ABCC9: variants seen among roughly 807,000 people sequenced by gnomAD.
The protein encoded by ABCC9 is ATP binding cassette subfamily C member 9.
A neutral mutation model predicts 188.3 loss-of-function variants in ABCC9; 95 were observed. The ratio of observed to expected loss-of-function variants is 0.50; its 90% CI spans 0.43 to 0.60. ABCC9 has a LOEUF of 0.60. ABCC9 is among the 20% of genes least tolerant of loss of function. The pLI is 0.00. For missense variants in ABCC9, 1,102 were observed against 1,876.3 expected (o/e 0.59, Z 7.62); for synonymous variants, 659 against 652.7 (o/e 1.01, Z -0.15).
Position 21,799,268 on chromosome 12 carries a change from A to G in ABCC9, c.*1776T>C, listed in dbSNP as rs1280771438. On this transcript the variant is annotated 3_prime_UTR_variant, in exon 40 of 40. Transcript: ENST00000261200. ...ATATTAAAAAAAAAATTAAAAAAAA[A>G]AAAGAAAAAAAAAAGATTACTTCCA... 3 of 151,914 alleles carry G rather than the reference A, an allele frequency of 2.0e-5. No individual in the cohort carries two copies. The highest frequency in any genetic ancestry group is 6.5e-5 in the Admixed American group (1 of 15,272). 9.4% of individuals were successfully genotyped at this position (151,914 alleles called of 1,614,324 possible).
chr12:21,829,588 T>A (rs1348590508), intron 30 of ABCC9, among the ~76,000 whole-genome samples: 1 of 152,192 alleles, frequency 6.6e-6, no homozygotes, highest in East Asian at 1.9e-4. Flanking sequence ...GGTGTTTATT[T>A]CCTTTCTTAT....
chr12:21,832,233 G>C (rs1943803329), intron 30 of ABCC9, among the ~76,000 whole-genome samples: 1 of 152,160 alleles, frequency 6.6e-6, no homozygotes, highest in Non-Finnish European at 1.5e-5. Context: ...TGCTTTCGTG[G>C]TAAACTACTT....
At chr12:21,883,009 C>A in intron 15 of ABCC9, 136 bp from the exon 16 acceptor site, 1 of 697,464 alleles carries the variant, frequency 1.4e-6, no homozygotes. Flanking sequence ...TCAGTGACTC[C>A]TTCATAAAAA....
intron 12 of ABCC9, among the ~76,000 whole-genome samples, chr12:21,896,079 C>CTTTTTTTTTTTTTTTTTTTTCTTTTTTTT (rs5796933): frequency 2.3e-5 from 3 of 128,042 alleles, no homozygotes; most frequent in African/African-American, 5.9e-5. Flanking sequence ...ATCTAATTTT[C>CTTTTTTTTTTTTTTTTTTTTCTTTTTTTT]TTTTTTTTTT....
intron 30 of ABCC9, among the ~76,000 whole-genome samples, chr12:21,836,789 G>T (rs574560432): frequency 1.3e-5 from 2 of 152,256 alleles, no homozygotes; most frequent in South Asian, 4.1e-4. Flanking sequence ...AAAAGTGGGG[G>T]ATGAACTGAT....
rs201572736 is a variant in ABCC9 at position 21,842,319 on chromosome 12, G to A, written c.3468C>T (p.Ala1156=). 1 of 1,613,648 alleles carries A rather than the reference G, an allele frequency of 6.2e-7. No individual in the cohort carries two copies. The highest frequency in any genetic ancestry group is 8.5e-7 in the Non-Finnish European group (1 of 1,179,768). The change falls in exon 29 of 40, where the codon GCC becomes GCT. Residue 1156 remains alanine, a synonymous_variant. Coordinates refer to ENST00000261200, the MANE Select transcript of ABCC9 (RefSeq NM_020297.4). Reference sequence around the variant, plus strand: ...TGGGATGCTGTTTTACTTACTTAGAGGCAACCCGAAAGTATTTCTGGATAA... The same window carrying A: ...TGGGATGCTGTTTTACTTACTTAGAAGCAACCCGAAAGTATTTCTGGATAA... ...FYFIQKYFRV[A]SKDLQELDDS...
At chr12:21,886,096 A>C (rs979000996) in intron 15 of ABCC9, among the ~76,000 whole-genome samples, 2 of 152,180 alleles carry the variant, frequency 1.3e-5, no homozygotes, top group Non-Finnish European at 2.9e-5. Context: ...AATTTCTTCA[A>C]AATTTTTTAG....
In ABCC9 at chr12:21,815,896, G is replaced by T. The variant is rs762931725; in HGVS notation, c.3893-3C>A. 5 of 1,612,444 alleles carry T rather than the reference G, an allele frequency of 3.1e-6. No homozygotes were observed. Among genetic ancestry groups the T allele is most frequent in the Non-Finnish European group, 4.2e-6 (5 of 1,179,060 alleles). On this transcript the variant is annotated splice_region_variant and splice_polypyrimidine_tract_variant and intron_variant, in intron 33 of 39. Coordinates refer to ENST00000261200, the MANE Select transcript of ABCC9 (RefSeq NM_020297.4). Reference sequence around the variant, plus strand: ...ATGTTCTGGAACTTGAGAAGGATCTGGAGGATGGGATGGGGAAATAGACAG... The same window carrying T: ...ATGTTCTGGAACTTGAGAAGGATCTTGAGGATGGGATGGGGAAATAGACAG...
chr12:21,833,023 T>C (rs1032257435), intron 30 of ABCC9, among the ~76,000 whole-genome samples: 1 of 152,148 alleles, frequency 6.6e-6, no homozygotes, highest in African/African-American at 2.4e-5. Flanking sequence ...AACTCAAGAA[T>C]AGAAAACCAA....
chr12:21,936,541 A>G lies in ABCC9; in HGVS notation c.134T>C (p.Leu45Ser). Residue 45 changes from leucine to serine, a missense_variant, in exon 3 of 40, where the codon TTG (leucine) becomes TCG (serine). This residue lies in a region of ABCC9 where 305 missense variants were observed against 573.0 expected (regional missense o/e 0.53). Transcript: ENST00000261200. The part of the protein sequence containing the change: ...VFLLFITFPI[L>S]FIGWGSQSSK... Reference sequence around the variant, plus strand: ...GATACTAGATTACTTACCAATAAACAATATTGGAAAAGTGATAAACAACAG... The same window carrying G: ...GATACTAGATTACTTACCAATAAACGATATTGGAAAAGTGATAAACAACAG... The G allele has an allele frequency of 6.2e-7, 1 of 1,611,988 alleles. No individual in the cohort carries two copies. Among genetic ancestry groups the G allele is most frequent in the Non-Finnish European group, 8.5e-7 (1 of 1,178,292 alleles).
intron 4 of ABCC9, among the ~76,000 whole-genome samples, chr12:21,928,616 TTATAA>T (rs1949146368): frequency 6.6e-6 from 1 of 151,996 alleles, no homozygotes; most frequent in South Asian, 2.1e-4. Flanking sequence ...TAAGAAATAA[TTATAA>T]TAAATAAATT....
chr12:21,874,953 T>C (rs1317895912), intron 17 of ABCC9, among the ~76,000 whole-genome samples: 2 of 152,224 alleles, frequency 1.3e-5, no homozygotes, highest in African/African-American at 2.4e-5. Context: ...ATTTCAGTTA[T>C]GTGAGATGAA....
chr12:21,926,330 A>G (rs1035033162), intron 4 of ABCC9, among the ~76,000 whole-genome samples: 1 of 152,200 alleles, frequency 6.6e-6, no homozygotes, highest in Non-Finnish European at 1.5e-5. Context: ...AGCTACTCCT[A>G]TACTGTAGGG....
At chr12:21,931,433 C>T (rs773216571) in intron 4 of ABCC9, among the ~76,000 whole-genome samples, 6 of 151,394 alleles carry the variant, frequency 4.0e-5, no homozygotes, top group Non-Finnish European at 7.4e-5. Flanking sequence ...GATGATGTTT[C>T]GAAAAGCCTG....
At chr12:21,934,021 G>A (rs748914616) in intron 3 of ABCC9, 98 bp from the exon 4 acceptor site, 4 of 1,305,750 alleles carry the variant, frequency 3.1e-6, no homozygotes, top group Non-Finnish European at 4.3e-6. Flanking sequence ...AGGCAGGGGT[G>A]GGGGGGTCCT....
chr12:21,824,981 G>C (rs1307443905), intron 31 of ABCC9, among the ~76,000 whole-genome samples: 1 of 151,910 alleles, frequency 6.6e-6, no homozygotes. Context: ...CAAAAAACCA[G>C]CTTCTGGATT....
At chr12:21,938,003 T>C (rs146137759) in intron 2 of ABCC9, 3 of 152,334 alleles carry the variant, frequency 2.0e-5, no homozygotes, top group African/African-American at 7.2e-5. Context: ...AAAATTTTAT[T>C]AACTAGCATA....
In ABCC9 at chr12:21,862,432, A is replaced by G. The variant is rs575262176; in HGVS notation, c.2339+521T>C. 7.7e-4 allele frequency among the ~76,000 whole-genome samples: 117 copies of G among 151,972 alleles called. 1 individual carries two copies. Among genetic ancestry groups the G allele is most frequent in the Non-Finnish European group, 2.1e-4 (14 of 67,972 alleles). On this transcript the variant is annotated intron_variant, in intron 20 of 39. Transcript: ENST00000261200. ...ACTTACTTTATTCTCCTTAATTTTC[A>G]AGACCCAGCTTATGGTCCTAAGACC...
At position 21,941,391 on chromosome 12, in the gene ABCC9, G is replaced by T. The variant is rs914327462; in HGVS notation, c.-328C>A. The T allele has an allele frequency of 6.6e-6, 1 of 152,556 alleles. No individual in the cohort carries two copies. The highest frequency in any genetic ancestry group is 1.5e-5 in the Non-Finnish European group (1 of 68,204). 9.5% of individuals were successfully genotyped at this position (152,556 alleles called of 1,614,324 possible). A position where few individuals can be genotyped will look rare whatever the true frequency, so the allele number is the denominator to read the frequency against. On this transcript the variant is annotated 5_prime_UTR_variant, in exon 1 of 40. Transcript: ENST00000261200. This position sits in a 1 kb window ranked among gnomAD's most constrained non-coding sequence, Gnocchi z 5.4. ...GCCCCGCGCGCCGCGCCTGGGGCCGGAGACCTTCCCCATCCCTGCTCTGCT... is the reference window on the plus strand; with the variant it reads ...GCCCCGCGCGCCGCGCCTGGGGCCGTAGACCTTCCCCATCCCTGCTCTGCT...
Sources: allele counts gnomAD v4.1 joint callset (sites outside exome capture counted in the v4.1 genomes callset), GRCh38; gene constraint gnomAD v4.1.1; regional missense constraint gnomAD v4.1.1; non-coding constraint Gnocchi (gnomAD v3.1); transcripts MANE v1.5; gene names NCBI Gene and HGNC (gene_info 2026-07-23, HGNC 2026-07-21).